Variants in CTNND2 observed in about 807,000 individuals in gnomAD.
CTNND2 encodes the protein catenin delta-2.
In CTNND2, 22 loss-of-function variants were observed where a neutral mutation model predicts 144.4. The observed-to-expected ratio is 0.15, with a 90% CI of 0.11 to 0.22. The LOEUF is 0.22. CTNND2 is among the 10% of genes least tolerant of loss of function. The probability of loss-of-function intolerance (pLI) is 1.00; values close to 1 mark genes in which losing one functional copy is unlikely to be tolerated. For synonymous variants in CTNND2, 751 were observed against 695.6 expected (o/e 1.08, Z -1.25); for missense variants, 1,353 against 1,618.8 (o/e 0.84, Z 2.82).
intron 2 of CTNND2, among the ~76,000 whole-genome samples, chr5:11,645,563 A>G (rs1782305618): frequency 6.6e-6 from 1 of 152,170 alleles, no homozygotes; most frequent in African/African-American, 2.4e-5. Flanking sequence ...ATTTCTTTTT[A>G]TCCAGATATT....
intron 1 of CTNND2, among the ~76,000 whole-genome samples, chr5:11,746,246 T>C (rs989165301): frequency 8.5e-5 from 13 of 152,294 alleles, no homozygotes; most frequent in Admixed American, 5.2e-4. Flanking sequence ...TTTACCACAA[T>C]TGAATTTATC....
intron 3 of CTNND2, among the ~76,000 whole-genome samples, chr5:11,444,307 T>C (rs2149899367): frequency 6.6e-6 from 1 of 152,220 alleles, no homozygotes; most frequent in Admixed American, 6.5e-5. Context: ...CTCCAAAAAG[T>C]GCTAACAAAA....
chr5:11,406,755 G>A (rs905189379), intron 5 of CTNND2, among the ~76,000 whole-genome samples: 2 of 151,722 alleles, frequency 1.3e-5, no homozygotes, highest in African/African-American at 4.8e-5. Flanking sequence ...TGCTTAGAAT[G>A]GTAACATATA....
At chr5:11,471,996 C>T (rs892731069) in intron 3 of CTNND2, among the ~76,000 whole-genome samples, 1 of 152,134 alleles carries the variant, frequency 6.6e-6, no homozygotes, top group Non-Finnish European at 1.5e-5. Flanking sequence ...AACAATTCAG[C>T]CTTTATTTTC....
At chr5:11,360,056 G>A (rs1019526437) in intron 8 of CTNND2, among the ~76,000 whole-genome samples, 1 of 152,142 alleles carries the variant, frequency 6.6e-6, no homozygotes, top group East Asian at 1.9e-4. Flanking sequence ...GGAAAGCCTG[G>A]AGGACCTGTT....
intron 1 of CTNND2, among the ~76,000 whole-genome samples, chr5:11,805,840 C>T (rs1384074097): frequency 1.3e-5 from 2 of 151,972 alleles, no homozygotes; most frequent in African/African-American, 4.8e-5. Context: ...GACTTCCTTC[C>T]AATTAGTAGA....
In CTNND2 at chr5:10,973,753, C is replaced by T; in HGVS notation, c.3418-40G>A. The T allele has an allele frequency of 5.8e-6, 9 of 1,542,462 alleles. No homozygotes were observed. Among genetic ancestry groups the T allele is most frequent in the Non-Finnish European group, 7.9e-6 (9 of 1,145,900 alleles). ...AGAGCCACACTGGGTTACTTGGTTT[C>T]CCTTGACTCAGCCTGCCTCTTGCCC... On this transcript the variant is annotated intron_variant, in intron 21 of 21. Coordinates refer to ENST00000304623, the MANE Select transcript of CTNND2 (RefSeq NM_001332.4). The surrounding 1 kb of genome is among the most constrained non-coding windows in gnomAD (Gnocchi z 5.6).
chr5:11,696,812 T>C (rs559598253), intron 2 of CTNND2, among the ~76,000 whole-genome samples: 75 of 152,310 alleles, frequency 4.9e-4, no homozygotes, highest in Non-Finnish European at 9.3e-4. Flanking sequence ...ACATGCTGCA[T>C]AATAGCTGAA....
chr5:11,200,413 T>A (rs1737302691), intron 10 of CTNND2, among the ~76,000 whole-genome samples: 1 of 152,190 alleles, frequency 6.6e-6, no homozygotes, highest in South Asian at 2.1e-4. Context: ...AAATTTAAAT[T>A]AGAAACAAAA....
At chr5:11,412,178 C>T in intron 3 of CTNND2, 109 bp from the exon 4 acceptor site, 1 of 711,132 alleles carries the variant, frequency 1.4e-6, no homozygotes. Context: ...GGCCCCGTTG[C>T]ATTTCCTTTC....
At chr5:11,333,262 T>C (rs1419468481) in intron 9 of CTNND2, among the ~76,000 whole-genome samples, 3 of 152,076 alleles carry the variant, frequency 2.0e-5, no homozygotes, top group Non-Finnish European at 2.9e-5. Flanking sequence ...TTTCTATTCT[T>C]TTCTTTTTTT....
In CTNND2 at chr5:11,294,400, T is replaced by C. The variant is rs544978638; in HGVS notation, c.1628+51972A>G. ...GAACTAGCCACTTTTTCATGGGACA[T>C]GGTTATTCAGTCTTGGGTATTTGCA... On this transcript the variant is annotated intron_variant, in intron 9 of 21. Transcript: ENST00000304623. 1.2e-4 allele frequency among the ~76,000 whole-genome samples: 18 copies of C among 152,274 alleles called. 1 individual carries two copies. The highest frequency in any genetic ancestry group is 5.9e-4 in the Admixed American group (9 of 15,292).
At chr5:11,736,896 G>A (rs1294379625) in intron 1 of CTNND2, among the ~76,000 whole-genome samples, 1 of 152,034 alleles carries the variant, frequency 6.6e-6, no homozygotes, top group Non-Finnish European at 1.5e-5. Flanking sequence ...ACTAATGCAA[G>A]GTTTTTGAAT....
At chr5:11,848,435 C>T (rs934906672) in intron 1 of CTNND2, among the ~76,000 whole-genome samples, 9 of 152,162 alleles carry the variant, frequency 5.9e-5, no homozygotes, top group South Asian at 4.2e-4. Flanking sequence ...TAATATAGTG[C>T]GTTTGATGTT....
At chr5:11,059,276 A>G (rs1746666489) in intron 16 of CTNND2, among the ~76,000 whole-genome samples, 1 of 152,212 alleles carries the variant, frequency 6.6e-6, no homozygotes, top group Non-Finnish European at 1.5e-5. Flanking sequence ...GGAAGAACCT[A>G]GTGGGAGGTA....
intron 3 of CTNND2, among the ~76,000 whole-genome samples, chr5:11,516,928 G>A (rs1406461668): frequency 6.6e-6 from 1 of 152,168 alleles, no homozygotes; most frequent in Admixed American, 6.5e-5. Flanking sequence ...TTCAAAATTT[G>A]TAGTTGTTTA....
At chr5:11,697,983 T>C (rs537139992) in intron 2 of CTNND2, among the ~76,000 whole-genome samples, 13 of 152,328 alleles carry the variant, frequency 8.5e-5, no homozygotes, top group Admixed American at 7.2e-4. Flanking sequence ...AGATAGGACC[T>C]TGCTTTTATT....
intron 14 of CTNND2, among the ~76,000 whole-genome samples, chr5:11,108,246 C>A (rs1428022174): frequency 6.6e-6 from 1 of 152,108 alleles, no homozygotes; most frequent in African/African-American, 2.4e-5. Flanking sequence ...GGCTGGTCTG[C>A]GGGATCCTAA....
chr5:11,130,291 C>G (rs1755454548), intron 12 of CTNND2, among the ~76,000 whole-genome samples: 1 of 152,084 alleles, frequency 6.6e-6, no homozygotes, highest in Admixed American at 6.6e-5. Context: ...CGTAAGCCAT[C>G]AGAAAGGGAC....
Sources: allele counts gnomAD v4.1 joint callset (sites outside exome capture counted in the v4.1 genomes callset), GRCh38; gene constraint gnomAD v4.1.1; non-coding constraint Gnocchi (gnomAD v3.1); transcripts MANE v1.5; gene names NCBI Gene and HGNC (gene_info 2026-07-23, HGNC 2026-07-21).